The following ZNF396 variants were observed in gnomAD, a reference collection of about 807,000 sequenced individuals.
ZNF396 encodes the protein zinc finger and SCAN domain-containing protein 14.
In ZNF396, 14 loss-of-function variants were observed where a neutral mutation model predicts 20.5. The observed-to-expected ratio is 0.68, with a 90% CI of 0.45 to 1.07. ZNF396 has a LOEUF of 1.07. Ranked by LOEUF, ZNF396 falls within the 50% of genes least tolerant of loss-of-function variation. The probability of loss-of-function intolerance (pLI) is 0.00; values close to 1 mark genes in which losing one functional copy is unlikely to be tolerated. For synonymous variants in ZNF396, 119 were observed against 140.6 expected (o/e 0.85, Z 1.08); for missense variants, 347 against 390.1 (o/e 0.89, Z 0.93).
chr18:35,370,689 T>C (rs1457615836), intron 3 of ZNF396, among the ~76,000 whole-genome samples: 2 of 150,700 alleles, frequency 1.3e-5, no homozygotes, highest in Non-Finnish European at 3.0e-5. Flanking sequence ...ATTTTTTGTA[T>C]TTTTTAGTAG....
At position 35,368,789 on chromosome 18, in the gene ZNF396, A is replaced by T; in HGVS notation, c.*426T>A. 1.0e-6 allele frequency: 1 copy of T among 991,402 alleles called. No individual in the cohort carries two copies. The highest frequency in any genetic ancestry group is 1.2e-6 in the Non-Finnish European group (1 of 834,264). 61.4% of individuals were successfully genotyped at this position (991,402 alleles called of 1,614,324 possible). A position where few individuals can be genotyped will look rare whatever the true frequency, so the allele number is the denominator to read the frequency against. ...TTGAGTGCTTTAATTTTTGGTCTTT[A>T]GAATTCTAGTGCTCAAGTTATGAAA... On this transcript the variant is annotated 3_prime_UTR_variant, in exon 4 of 4. Coordinates refer to ENST00000589332, the MANE Select transcript of ZNF396 (RefSeq NM_001322286.2).
Position 35,369,381 on chromosome 18 carries a change from C to T in ZNF396, c.842G>A (p.Cys281Tyr), listed in dbSNP as rs200984340. ...GCTGAATGCCTTTGCACACTCGTCA[C>T]ATGCATAAGGTTTCTTTCCACTGTG... Reference protein sequence around the residue: ...RIHSGKKPYACDECAKAFSRS... With the variant: ...RIHSGKKPYAYDECAKAFSRS... The change falls in exon 4 of 4, where the codon TGT becomes TAT. Residue 281 changes from cysteine to tyrosine, a missense_variant. Coordinates refer to ENST00000589332, the MANE Select transcript of ZNF396 (RefSeq NM_001322286.2). 6.2e-7 allele frequency: 1 copy of T among 1,614,232 alleles called. No individual in the cohort carries two copies. The highest frequency in any genetic ancestry group is 1.7e-5 in the Admixed American group (1 of 60,022).
chr18:35,372,008 A>G (rs1311192281), intron 3 of ZNF396: 2 of 152,206 alleles, frequency 1.3e-5, no homozygotes, highest in African/African-American at 2.4e-5. Flanking sequence ...TTCATAAGAC[A>G]TGACTCAGTA....
chr18:35,370,802 C>T (rs1420648774), intron 3 of ZNF396, among the ~76,000 whole-genome samples: 2 of 151,916 alleles, frequency 1.3e-5, no homozygotes, highest in Non-Finnish European at 2.9e-5. Context: ...CGTGAGCCAC[C>T]GCGCCCGGCC....
rs1164162234 is a variant in ZNF396 at position 35,374,112 on chromosome 18, G to A, written c.181C>T (p.Gln61Ter). The change falls in exon 2 of 4, where the codon CAG (glutamine) becomes TAG (stop). Residue 61 changes from glutamine (Q) to a stop codon, truncating the protein, a stop_gained. Transcript: ENST00000589332. LOFTEE classifies it high-confidence loss of function. This position sits in a 1 kb window ranked among gnomAD's most constrained non-coding sequence, Gnocchi z 4.3. ...FRQQFRQFGY[Q>*]DSPGPHEALS... ...GCCTCATGGGGCCCAGGTGAATCCTGGTAGCCAAACTGCCTGAATTGCTGG... is the reference window on the plus strand; with the variant it reads ...GCCTCATGGGGCCCAGGTGAATCCTAGTAGCCAAACTGCCTGAATTGCTGG... 1 of 1,614,230 alleles carries A rather than the reference G, an allele frequency of 6.2e-7. No individual in the cohort carries two copies. The highest frequency in any genetic ancestry group is 1.1e-5 in the South Asian group (1 of 91,088).
chr18:35,372,595 T>C (rs1384491489), intron 3 of ZNF396: 1 of 152,222 alleles, frequency 6.6e-6, no homozygotes, highest in Non-Finnish European at 1.5e-5. Flanking sequence ...CTCTGGCTCC[T>C]ATTTTATCCA....
In ZNF396 at chr18:35,369,289, A is replaced by T. The variant is rs192743555; in HGVS notation, c.934T>A (p.Cys312Ser). ...GAGCTCTGACTAAAGGCTTTGCCAC[A>T]GTCATGACACTTGTAGGGCTTCTCA... is the stretch of plus-strand genomic sequence containing the variant. ...TGEKPYKCHD[C>S]GKAFSQSSNL... Residue 312 changes from cysteine to serine, a missense_variant, in exon 4 of 4, where the codon TGT (cysteine) becomes AGT (serine). Physicochemically the swap from Cys to Ser is moderately radical, Grantham distance 112. Transcript: ENST00000589332. 1.5e-3 allele frequency: 2,466 copies of T among 1,614,080 alleles called. 4 individuals carry two copies. Among genetic ancestry groups the T allele is most frequent in the Non-Finnish European group, 2.0e-3 (2,310 of 1,179,978 alleles).
chr18:35,369,056 A>T lies in ZNF396; in HGVS notation c.*159T>A. 7.2e-7 allele frequency: 1 copy of T among 1,398,444 alleles called. No homozygotes were observed. The highest frequency in any genetic ancestry group is 9.2e-7 in the Non-Finnish European group (1 of 1,081,498). 86.6% of individuals were successfully genotyped at this position (1,398,444 alleles called of 1,614,324 possible). A position where few individuals can be genotyped will look rare whatever the true frequency, so the allele number is the denominator to read the frequency against. On this transcript the variant is annotated 3_prime_UTR_variant, in exon 4 of 4. Coordinates refer to ENST00000589332, the MANE Select transcript of ZNF396 (RefSeq NM_001322286.2). ...ATAAGCAGAAAAGCAAATAATGCTG[A>T]CCTGAGATCTTCAACCTTCTCTCCT...
At position 35,366,978 on chromosome 18, in the gene ZNF396, A is replaced by G. The variant is rs1202926629; in HGVS notation, c.*2237T>C. ...TCTTACAAAGTTGATGGCAGCACCA[A>G]GTGAAGATGGGTGCTTCCTTCAAAA... On this transcript the variant is annotated 3_prime_UTR_variant, in exon 4 of 4. Transcript: ENST00000589332. The G allele has an allele frequency of 6.6e-6, 1 of 152,218 alleles. No individual in the cohort carries two copies. The highest frequency in any genetic ancestry group is 2.4e-5 in the African/African-American group (1 of 41,468). The allele number at this position is 152,218 out of a possible 1,614,324, so 9.4% of individuals were successfully genotyped here. A position where few individuals can be genotyped will look rare whatever the true frequency, so the allele number is the denominator to read the frequency against.
chr18:35,373,796 G>A, intron 2 of ZNF396, 80 bp downstream of exon 2: 1 of 1,537,506 alleles, frequency 6.5e-7, no homozygotes, highest in Non-Finnish European at 8.8e-7. Flanking sequence ...TGGGAATACA[G>A]TTTGAGAGCT....
At chr18:35,376,647 G>A (rs1210418363) in intron 1 of ZNF396, among the ~76,000 whole-genome samples, 1 of 152,190 alleles carries the variant, frequency 6.6e-6, no homozygotes, top group East Asian at 1.9e-4. Flanking sequence ...GAGGTGGGAA[G>A]GGTTGAGGCC....
chr18:35,375,648 A>G (rs2045246495), intron 1 of ZNF396, among the ~76,000 whole-genome samples: 1 of 150,798 alleles, frequency 6.6e-6, no homozygotes, highest in African/African-American at 2.4e-5. Context: ...AAGTATTATT[A>G]GCTCGTTAGC....
In ZNF396 at chr18:35,369,573, A is replaced by G. The variant is rs1215406107; in HGVS notation, c.650T>C (p.Ile217Thr). 1 of 1,614,094 alleles carries G rather than the reference A, an allele frequency of 6.2e-7. No homozygotes were observed. Among genetic ancestry groups the G allele is most frequent in the Non-Finnish European group, 8.5e-7 (1 of 1,179,958 alleles). ...ACTCTGGGAGCCATTCATATGAAGG[A>G]TATTGGAAACATTGCAATGCAGTTC... ...GIELHCNVSN[I>T]LHMNGSQSST... The change falls in exon 4 of 4, where the codon ATC (isoleucine) becomes ACC (threonine). Residue 217 changes from isoleucine (I) to threonine (T), a missense_variant. Transcript: ENST00000589332.
At position 35,366,791 on chromosome 18, in the gene ZNF396, ATATAAACTAG is replaced by A. The variant is rs2045104725; in HGVS notation, c.*2414_*2423del. The A allele has an allele frequency of 6.6e-6, 1 of 152,218 alleles. No homozygotes were observed. The highest frequency in any genetic ancestry group is 1.5e-5 in the Non-Finnish European group (1 of 68,048). The allele number at this position is 152,218 out of a possible 1,614,324, so 9.4% of individuals were successfully genotyped here. On this transcript the variant is annotated 3_prime_UTR_variant, in exon 4 of 4. Coordinates refer to ENST00000589332, the MANE Select transcript of ZNF396 (RefSeq NM_001322286.2). ...GGTTAGCTCAATGAATTCTCCTTTT[ATATAAACTAG>A]TACCATTCACTCATTAGGATACCTA... is the stretch of plus-strand genomic sequence containing the variant.
In ZNF396 at chr18:35,369,586, T is replaced by G; in HGVS notation, c.637A>C (p.Asn213His). Residue 213 changes from asparagine (N) to histidine (H), a missense_variant, in exon 4 of 4, where the codon AAT becomes CAT. By Grantham distance (68) the Asn-to-His change is moderately conservative. Coordinates refer to ENST00000589332, the MANE Select transcript of ZNF396 (RefSeq NM_001322286.2). The part of the protein sequence containing the change: ...KTSLGIELHC[N>H]VSNILHMNGS... ...TTCATATGAAGGATATTGGAAACAT[T>G]GCAATGCAGTTCTATGCCTAAAGAA... 7 of 1,614,216 alleles carry G rather than the reference T, an allele frequency of 4.3e-6. No individual in the cohort carries two copies. Among genetic ancestry groups the G allele is most frequent in the Non-Finnish European group, 5.9e-6 (7 of 1,180,038 alleles).
rs772446501 is a variant in ZNF396 at position 35,373,532 on chromosome 18, C to T, written c.486G>A (p.Leu162=). 1.2e-6 allele frequency: 2 copies of T among 1,614,162 alleles called. No homozygotes were observed. The highest frequency in any genetic ancestry group is 2.2e-5 in the South Asian group (2 of 91,078). Residue 162 remains leucine, a synonymous_variant, in exon 3 of 4, where the codon TTG becomes TTA. Coordinates refer to ENST00000589332, the MANE Select transcript of ZNF396 (RefSeq NM_001322286.2). ...TCACGGGCATGAGCTGGCTACTTGG[C>T]AATTCCTCAGTGATTTCTGAAGGTG... The part of the protein sequence containing the change: ...KLAPSEITEE[L]PSSQLMPVKK...
In ZNF396 at chr18:35,374,306, T is replaced by C. The variant is rs200722602; in HGVS notation, c.-14A>G. On this transcript the variant is annotated 5_prime_UTR_variant, in exon 2 of 4. Transcript: ENST00000589332. The surrounding 1 kb of genome is among the most constrained non-coding windows in gnomAD (Gnocchi z 4.3). ...TTTTGCAGACATTTTGACAGACAAA[T>C]AGCTCAGTACTGTTAGGCTTTAATC... is the stretch of plus-strand genomic sequence containing the variant. 1.2e-5 allele frequency: 19 copies of C among 1,609,956 alleles called. No homozygotes were observed. The African/African-American group carries it at 2.1e-4, about 18-fold the overall frequency.
At chr18:35,373,338 C>G in intron 3 of ZNF396, 118 bp downstream of exon 3, 1 of 1,221,390 alleles carries the variant, frequency 8.2e-7, no homozygotes, top group Non-Finnish European at 1.1e-6. Context: ...GAAGTTCCCA[C>G]AGTAAGGAGG....
rs143350395 is a variant in ZNF396, at chr18:35,374,501, A to G, written c.-72-137T>C. The G allele has an allele frequency of 2.5e-4, 110 of 439,562 alleles. 1 individual carries two copies. In the East Asian group the frequency reaches 2.9e-3, roughly 12 times the overall value. 27.2% of individuals were successfully genotyped at this position (439,562 alleles called of 1,614,324 possible). The stretch of plus-strand genomic sequence containing the variant: ...CTTAACAGAAACCATGCTTTTATTT[A>G]TTTATTTATTTTTGAGATGGAGTCT... On this transcript the variant is annotated intron_variant, in intron 1 of 3. Coordinates refer to ENST00000589332, the MANE Select transcript of ZNF396 (RefSeq NM_001322286.2). This position sits in a 1 kb window ranked among gnomAD's most constrained non-coding sequence, Gnocchi z 4.3.
Sources: gnomAD v4.1 joint callset for allele counts (sites outside exome capture counted in the v4.1 genomes callset) on GRCh38, gnomAD v4.1.1 for gene constraint, Gnocchi (gnomAD v3.1) non-coding constraint, MANE v1.5 for transcripts, NCBI Gene and HGNC (gene_info 2026-07-23, HGNC 2026-07-21) for gene names.